The following CNTLN variants were observed in gnomAD, a reference collection of about 807,000 sequenced individuals.
CNTLN encodes centlein, centrosomal protein.
In CNTLN, 212 loss-of-function variants were observed where a neutral mutation model predicts 180.0. The observed-to-expected ratio is 1.18, with a 90% CI of 1.05 to 1.32. The LOEUF (loss-of-function observed/expected upper bound fraction) is 1.32. CNTLN is among the 40% of genes most tolerant of loss of function. The probability of loss-of-function intolerance (pLI) is 0.00; values close to 1 mark genes in which losing one functional copy is unlikely to be tolerated. For missense variants in CNTLN, 2,095 were observed against 1,610.9 expected (o/e 1.30, Z -5.14); for synonymous variants, 722 against 563.1 (o/e 1.28, Z -3.99).
chr9:17,356,431 T>A (rs543152591), intron 12 of CNTLN, among the ~76,000 whole-genome samples: 12 of 152,210 alleles, frequency 7.9e-5, no homozygotes, highest in Admixed American at 7.8e-4. Context: ...CTATGGTCAA[T>A]TATATTCCTC....
intron 7 of CNTLN, among the ~76,000 whole-genome samples, chr9:17,306,996 A>G (rs1232583948): frequency 6.6e-6 from 1 of 152,122 alleles, no homozygotes; most frequent in African/African-American, 2.4e-5. Context: ...GAGCAGCAGC[A>G]CAGTACAAGT....
At chr9:17,346,740 G>A (rs1821932519) in intron 12 of CNTLN, among the ~76,000 whole-genome samples, 1 of 152,214 alleles carries the variant, frequency 6.6e-6, no homozygotes, top group African/African-American at 2.4e-5. Context: ...TCTGTTTCTT[G>A]AATCCCTAGG....
rs150647408 is a variant in CNTLN at position 17,357,144 on chromosome 9, A to G, written c.1887-9473A>G. ...TTGTATGTGGATTATTTCATTTACT[A>G]TTTCTTCAAGATTTATCCTTGTTGA... On this transcript the variant is annotated intron_variant, in intron 12 of 25. Transcript: ENST00000380647. 3.3e-5 allele frequency among the ~76,000 whole-genome samples: 5 copies of G among 152,068 alleles called. No homozygotes were observed. The East Asian group carries it at 7.7e-4, about 24-fold the overall frequency.
In CNTLN at chr9:17,353,687, C is replaced by T. The variant is rs1181680772; in HGVS notation, c.1886+11243C>T. Among the ~76,000 whole-genome samples, 3 of 151,714 alleles carry T rather than the reference C, an allele frequency of 2.0e-5. No homozygotes were observed. The East Asian group carries it at 5.8e-4, about 29-fold the overall frequency. Reference sequence around the variant, plus strand: ...TGATCTTGGCTCACTGCAACCTCTGCCTCTTGGTTTCAAGCAATTATCCTG... The same window carrying T: ...TGATCTTGGCTCACTGCAACCTCTGTCTCTTGGTTTCAAGCAATTATCCTG... On this transcript the variant is annotated intron_variant, in intron 12 of 25. Coordinates refer to ENST00000380647, the MANE Select transcript of CNTLN (RefSeq NM_017738.4).
At chr9:17,295,017 G>C (rs1817761596) in intron 6 of CNTLN, among the ~76,000 whole-genome samples, 1 of 151,760 alleles carries the variant, frequency 6.6e-6, no homozygotes, top group Non-Finnish European at 1.5e-5. Context: ...ATTGAGAGCA[G>C]CGCCGGTGGG....
intron 13 of CNTLN, among the ~76,000 whole-genome samples, chr9:17,367,520 A>T (rs747052586): frequency 2.0e-5 from 3 of 152,132 alleles, no homozygotes; most frequent in Admixed American, 6.6e-5. Context: ...AGGGCAGCTC[A>T]TGGGGTATTT....
intron 15 of CNTLN, among the ~76,000 whole-genome samples, chr9:17,403,378 A>C (rs1399219079): frequency 1.3e-5 from 2 of 151,580 alleles, no homozygotes; most frequent in African/African-American, 4.9e-5. Flanking sequence ...TCTTTCACCA[A>C]AACTTGTCTG....
chr9:17,499,571 A>G (rs1005048656), intron 25 of CNTLN, among the ~76,000 whole-genome samples: 5 of 152,230 alleles, frequency 3.3e-5, no homozygotes, highest in African/African-American at 7.2e-5. Context: ...AATCTGTTCC[A>G]TAAACCAAGA....
intron 13 of CNTLN, among the ~76,000 whole-genome samples, chr9:17,380,984 C>A (rs1825201882): frequency 6.6e-6 from 1 of 152,204 alleles, no homozygotes; most frequent in African/African-American, 2.4e-5. Flanking sequence ...AACTGGCACA[C>A]TGTCACCTCC....
At chr9:17,452,133 A>G (rs1028229903) in intron 18 of CNTLN, among the ~76,000 whole-genome samples, 7 of 152,116 alleles carry the variant, frequency 4.6e-5, no homozygotes, top group African/African-American at 1.7e-4. Context: ...CTAAAAATAT[A>G]TTGTTTTGGG....
intron 24 of CNTLN, 46 bp downstream of exon 24, chr9:17,484,526 G>A: frequency 7.1e-7 from 1 of 1,408,972 alleles, no homozygotes; most frequent in Non-Finnish European, 9.6e-7. Context: ...ATTATACACT[G>A]GACTTAAGTA....
intron 25 of CNTLN, among the ~76,000 whole-genome samples, chr9:17,501,861 T>C (rs1833768479): frequency 1.3e-5 from 2 of 152,224 alleles, no homozygotes; most frequent in African/African-American, 4.8e-5. Flanking sequence ...ACTTACCACC[T>C]ATAACTGTAT....
At chr9:17,437,494 A>C (rs1330336425) in intron 18 of CNTLN, among the ~76,000 whole-genome samples, 3 of 152,198 alleles carry the variant, frequency 2.0e-5, no homozygotes, top group Non-Finnish European at 4.4e-5. Flanking sequence ...ACATCAACAT[A>C]CTTTCAGATA....
chr9:17,151,293 TA>T (rs1254585821), intron 2 of CNTLN, among the ~76,000 whole-genome samples: 1 of 152,240 alleles, frequency 6.6e-6, no homozygotes, highest in Non-Finnish European at 1.5e-5. Context: ...TTCTCATAAA[TA>T]GCTCTTATTA....
chr9:17,369,884 G>T (rs1432175200), intron 13 of CNTLN, among the ~76,000 whole-genome samples: 1 of 151,864 alleles, frequency 6.6e-6, no homozygotes, highest in African/African-American at 2.4e-5. Flanking sequence ...CTACTTGGGA[G>T]GCTGAGTCAG....
At chr9:17,258,011 G>C (rs977371932) in intron 5 of CNTLN, among the ~76,000 whole-genome samples, 1 of 150,786 alleles carries the variant, frequency 6.6e-6, no homozygotes, top group African/African-American at 2.5e-5. Context: ...TTTGTCTTTT[G>C]TTGCCATTGC....
chr9:17,323,298 T>C (rs1157779607), intron 8 of CNTLN, among the ~76,000 whole-genome samples: 1 of 152,198 alleles, frequency 6.6e-6, no homozygotes, highest in Non-Finnish European at 1.5e-5. Context: ...CTACTGCGCT[T>C]CACATTACAC....
At chr9:17,330,581 A>G (rs1820577486) in intron 8 of CNTLN, 51 bp from the exon 9 acceptor site, 1 of 961,238 alleles carries the variant, frequency 1.0e-6, no homozygotes, top group Non-Finnish European at 1.5e-6. Context: ...TTTATAAATA[A>G]TGTAAGATAC....
intron 8 of CNTLN, among the ~76,000 whole-genome samples, chr9:17,313,418 T>TC (rs902507736): frequency 4.4e-5 from 4 of 91,680 alleles, no homozygotes; most frequent in African/African-American, 6.8e-5. Context: ...ATTAACTGGC[T>TC]TTTTTTTTAA....
Sources: allele counts gnomAD v4.1 joint callset (sites outside exome capture counted in the v4.1 genomes callset), GRCh38; gene constraint gnomAD v4.1.1; transcripts MANE v1.5; gene names NCBI Gene and HGNC (gene_info 2026-07-23, HGNC 2026-07-21).